FOXN3: variants seen among roughly 807,000 people sequenced by gnomAD.
FOXN3 encodes forkhead box protein N3.
In FOXN3, 7 loss-of-function variants were observed where a neutral mutation model predicts 38.4. The observed-to-expected ratio is 0.18, with a 90% CI of 0.10 to 0.34. The LOEUF is 0.34. FOXN3 is among the 10% of genes least tolerant of loss of function. The pLI is 1.00. For missense variants in FOXN3, 456 were observed against 613.4 expected (o/e 0.74, Z 2.71); for synonymous variants, 230 against 242.2 (o/e 0.95, Z 0.47).
At position 89,456,719 on chromosome 14, in the gene FOXN3, G is replaced by C. The variant is rs549938732; in HGVS notation, c.-14-44229C>G. 4.0e-4 allele frequency among the ~76,000 whole-genome samples: 61 copies of C among 152,316 alleles called. 1 individual carries two copies. The highest frequency in any genetic ancestry group is 1.1e-3 in the African/African-American group (44 of 41,564). ...TGCAGTGAGCCAAGATCGCACCACT[G>C]CACTCCAGCCTGGGTGACAGAGTGA... On this transcript the variant is annotated intron_variant, in intron 1 of 6. Coordinates refer to the FOXN3 transcript ENST00000345097.
intron 1 of FOXN3, among the ~76,000 whole-genome samples, chr14:89,592,461 G>T (rs1566711707): frequency 1.3e-5 from 2 of 151,494 alleles, no homozygotes; most frequent in Non-Finnish European, 1.5e-5. Flanking sequence ...TCACACCGGG[G>T]ATAAAATTAA....
intron 4 of FOXN3, among the ~76,000 whole-genome samples, chr14:89,236,145 C>T (rs1486663981): frequency 6.6e-6 from 1 of 152,196 alleles, no homozygotes; most frequent in Non-Finnish European, 1.5e-5. Flanking sequence ...AGGAGAAGCA[C>T]ATCTCCCTAG....
chr14:89,399,675 T>C (rs1176649377), intron 2 of FOXN3, among the ~76,000 whole-genome samples: 2 of 152,214 alleles, frequency 1.3e-5, no homozygotes, highest in Non-Finnish European at 2.9e-5. Context: ...GTCTGATTTA[T>C]TACAGCTGTA....
At chr14:89,333,452 G>A (rs569661100) in intron 3 of FOXN3, among the ~76,000 whole-genome samples, 6 of 148,798 alleles carry the variant, frequency 4.0e-5, no homozygotes, top group African/African-American at 4.9e-5. Context: ...CACCTATTAC[G>A]AAGAACAGTA....
At chr14:89,517,493 A>G (rs1894231260) in intron 1 of FOXN3, among the ~76,000 whole-genome samples, 1 of 152,184 alleles carries the variant, frequency 6.6e-6, no homozygotes, top group Non-Finnish European at 1.5e-5. Flanking sequence ...CTCATTGTAC[A>G]TGGCAGAAGC....
intron 2 of FOXN3, among the ~76,000 whole-genome samples, chr14:89,365,479 C>T (rs1890112402): frequency 6.6e-6 from 1 of 152,198 alleles, no homozygotes; most frequent in Non-Finnish European, 1.5e-5. Context: ...ACCCCTCATA[C>T]TCCAAGTCAG....
At chr14:89,276,983 C>A (rs1284120430) in intron 4 of FOXN3, among the ~76,000 whole-genome samples, 1 of 152,072 alleles carries the variant, frequency 6.6e-6, no homozygotes, top group Non-Finnish European at 1.5e-5. Context: ...GATGAAGGGT[C>A]AGATTAGGGG....
chr14:89,514,710 C>A (rs1441118411), intron 1 of FOXN3, among the ~76,000 whole-genome samples: 1 of 152,206 alleles, frequency 6.6e-6, no homozygotes, highest in African/African-American at 2.4e-5. Context: ...ACACATTCAG[C>A]CTGTGCTTTC....
rs567135510 is a variant in FOXN3, at chr14:89,369,922, C to T, written c.544-19114G>A. On this transcript the variant is annotated intron_variant, in intron 2 of 5. Transcript: ENST00000557258. ...TTTGTCTAAGGTGAAATGCAGGCAG[C>T]TTGATTCTGGAATTGATAAACACCA... Among the ~76,000 whole-genome samples, 18 of 152,328 alleles carry T rather than the reference C, an allele frequency of 1.2e-4. No homozygotes were observed. In the South Asian group the frequency reaches 3.7e-3, roughly 32 times the overall value.
intron 1 of FOXN3, among the ~76,000 whole-genome samples, chr14:89,593,328 G>A (rs922264575): frequency 2.7e-5 from 4 of 149,068 alleles, no homozygotes; most frequent in African/African-American, 5.1e-5. Flanking sequence ...ATCAAAAAGA[G>A]ATAAGGTTTA....
At chr14:89,291,252 T>C (rs1886863469) in intron 3 of FOXN3, 1 of 436,586 alleles carries the variant, frequency 2.3e-6, no homozygotes, top group Non-Finnish European at 4.5e-6. Flanking sequence ...GTTTCTCTCT[T>C]TGAAGGTTTG....
At chr14:89,401,163 C>G (rs886082542) in intron 2 of FOXN3, among the ~76,000 whole-genome samples, 1 of 152,178 alleles carries the variant, frequency 6.6e-6, no homozygotes, top group African/African-American at 2.4e-5. Context: ...AACTAGGGGC[C>G]AGACATAATG....
At chr14:89,320,320 C>G (rs1018267820) in intron 3 of FOXN3, among the ~76,000 whole-genome samples, 1 of 152,186 alleles carries the variant, frequency 6.6e-6, no homozygotes, top group African/African-American at 2.4e-5. Context: ...TGGCAGAAAA[C>G]AGACCCATTG....
intron 1 of FOXN3, among the ~76,000 whole-genome samples, chr14:89,487,305 G>T (rs983372209): frequency 6.6e-6 from 1 of 152,168 alleles, no homozygotes; most frequent in Admixed American, 6.5e-5. Context: ...ACAAATCAAC[G>T]AACTCTCTAA....
intron 2 of FOXN3, among the ~76,000 whole-genome samples, chr14:89,377,584 C>A (rs1198140069): frequency 6.6e-6 from 1 of 152,192 alleles, no homozygotes; most frequent in African/African-American, 2.4e-5. Context: ...TTAACAATTA[C>A]TCATTGCTAT....
intron 4 of FOXN3, among the ~76,000 whole-genome samples, chr14:89,234,188 G>A (rs919613195): frequency 2.6e-5 from 4 of 152,300 alleles, no homozygotes; most frequent in East Asian, 3.9e-4. Context: ...CGTGTACTAC[G>A]TGTATTAGTT....
chr14:89,541,730 T>C (rs1273882606), intron 1 of FOXN3, among the ~76,000 whole-genome samples: 2 of 152,118 alleles, frequency 1.3e-5, no homozygotes, highest in Non-Finnish European at 2.9e-5. Flanking sequence ...TCAAGAACCC[T>C]CTTGGCCTCT....
At chr14:89,604,261 GCGCA>G (rs761255800) in intron 1 of FOXN3, among the ~76,000 whole-genome samples, 15 of 147,972 alleles carry the variant, frequency 1.0e-4, no homozygotes, top group Non-Finnish European at 2.0e-4. Flanking sequence ...ACACACGCGC[GCGCA>G]CACACACAGA....
At chr14:89,356,404 T>A (rs926827369) in intron 2 of FOXN3, 15 of 151,524 alleles carry the variant, frequency 9.9e-5, no homozygotes, top group South Asian at 2.1e-4. Context: ...CTCAAAAAAA[T>A]ATATAATAAT....
Sources: allele counts gnomAD v4.1 joint callset (sites outside exome capture counted in the v4.1 genomes callset), GRCh38; gene constraint gnomAD v4.1.1; transcripts MANE v1.5; gene names NCBI Gene and HGNC (gene_info 2026-07-23, HGNC 2026-07-21).